The following PPP1R9A variants were observed in gnomAD, a reference collection of about 807,000 sequenced individuals.
PPP1R9A encodes protein phosphatase 1 regulatory subunit 9A, also known as neurabin-1.
PPP1R9A carries 59 observed loss-of-function variants against 141.9 expected under a neutral mutation model. That is an observed-to-expected ratio of 0.42 (90% confidence interval 0.34 to 0.52). The LOEUF (loss-of-function observed/expected upper bound fraction) is 0.52. Among genes scored for constraint, PPP1R9A ranks in the 20% least tolerant of loss-of-function variants. The pLI is 0.10. For synonymous variants in PPP1R9A, 500 were observed against 569.7 expected, an observed-to-expected ratio of 0.88 and a Z score of 1.74; for missense variants, 1,444 against 1,611.9, an observed-to-expected ratio of 0.90 and a Z score of 1.78.
Position 95,286,226 on chromosome 7 carries a change from C to T in PPP1R9A, c.3630C>T (p.Asp1210=), listed in dbSNP as rs756248257. Residue 1210 remains aspartate, a synonymous_variant, in exon 18 of 20, where the codon GAC becomes GAT. Coordinates refer to ENST00000433360, the MANE Select transcript of PPP1R9A (RefSeq NM_001166160.2). ...TACAGAATTTTACCTTCAATGATGACTTCAGTCCCAGCAGTACCAGTTCAG... is the reference window on the plus strand; with the variant it reads ...TACAGAATTTTACCTTCAATGATGATTTCAGTCCCAGCAGTACCAGTTCAG... ...QETNNFTFND[D]FSPSSTSSAD... is the part of the protein sequence containing the mutation. The T allele has an allele frequency of 1.2e-6, 2 of 1,613,434 alleles. No individual in the cohort carries two copies. Among genetic ancestry groups the T allele is most frequent in the Non-Finnish European group, 1.7e-6 (2 of 1,179,522 alleles).
chr7:95,023,438 T>C (rs1806300770), intron 2 of PPP1R9A, among the ~76,000 whole-genome samples: 1 of 152,162 alleles, frequency 6.6e-6, no homozygotes, highest in Admixed American at 6.5e-5. Flanking sequence ...CCTGGATTCA[T>C]TGATTTTTTT....
intron 2 of PPP1R9A, among the ~76,000 whole-genome samples, chr7:95,008,851 C>T (rs770701773): frequency 3.3e-5 from 5 of 152,046 alleles, no homozygotes; most frequent in Non-Finnish European, 5.9e-5. Flanking sequence ...CACATGCACA[C>T]GTATGTTTAT....
chr7:95,102,133 A>G lies in PPP1R9A; in HGVS notation c.1396-9126A>G, dbSNP rs548964879. On this transcript the variant is annotated intron_variant, in intron 2 of 19. Coordinates refer to ENST00000433360, the MANE Select transcript of PPP1R9A (RefSeq NM_001166160.2). ...TTATAATGCCTATTAGATGATTTAG[A>G]TATGAGAATGAAACTAGCAGAGTGG... Among the ~76,000 whole-genome samples the G allele has an allele frequency of 1.6e-4, 24 of 152,326 alleles. 1 individual carries two copies. The South Asian group carries it at 4.8e-3, about 30-fold the overall frequency.
chr7:95,119,645 G>A (rs564103967), intron 3 of PPP1R9A, among the ~76,000 whole-genome samples: 64 of 152,058 alleles, frequency 4.2e-4, no homozygotes, highest in African/African-American at 1.4e-3. Context: ...GTAGAGACAG[G>A]GTTTCACCCT....
Position 95,071,530 on chromosome 7 carries a change from G to T in PPP1R9A, c.1396-39729G>T, listed in dbSNP as rs116705536. Among the ~76,000 whole-genome samples the T allele has an allele frequency of 5.7e-3, 869 of 151,926 alleles. 10 individuals are homozygous for T. Among genetic ancestry groups the T allele is most frequent in the African/African-American group, 0.02 (827 of 41,492 alleles). On this transcript the variant is annotated intron_variant, in intron 2 of 19. Transcript: ENST00000433360. ...GTACTGTGGATGCGTGGGAAAAGAG[G>T]AATGTGAAAAGCTTAGCTCAACTTA... is the stretch of plus-strand genomic sequence containing the variant.
intron 5 of PPP1R9A, among the ~76,000 whole-genome samples, chr7:95,165,867 G>A (rs1295961435): frequency 1.3e-5 from 2 of 152,156 alleles, no homozygotes; most frequent in African/African-American, 4.8e-5. Context: ...TGAAAATTGG[G>A]TCAGGCGCAG....
intron 2 of PPP1R9A, among the ~76,000 whole-genome samples, chr7:95,004,039 T>A (rs570566449): frequency 1.1e-3 from 169 of 152,184 alleles, no homozygotes; most frequent in African/African-American, 3.9e-3. Flanking sequence ...TGTTACAGTG[T>A]GGTGGCATTT....
At chr7:94,982,243 GT>G (rs1340101752) in intron 2 of PPP1R9A, among the ~76,000 whole-genome samples, 1 of 152,102 alleles carries the variant, frequency 6.6e-6, no homozygotes, top group Non-Finnish European at 1.5e-5. Flanking sequence ...ATTTGGGTTG[GT>G]TCCAAGTCTT....
intron 2 of PPP1R9A, among the ~76,000 whole-genome samples, chr7:94,980,605 G>T (rs1584489014): frequency 7.2e-6 from 1 of 139,268 alleles, no homozygotes; most frequent in Non-Finnish European, 1.5e-5. Flanking sequence ...CCAGTTTAGT[G>T]TTTTTTTTTT....
At chr7:95,070,592 G>GATATATATATATATATATAT (rs1563193267) in intron 2 of PPP1R9A, among the ~76,000 whole-genome samples, 1 of 64,422 alleles carries the variant, frequency 1.6e-5, no homozygotes, top group African/African-American at 7.6e-5. Flanking sequence ...TTAAATCTCT[G>GATATATATATATATATATAT]GTATATATAT....
chr7:95,228,295 G>A (rs1237049013), intron 8 of PPP1R9A, among the ~76,000 whole-genome samples: 1 of 152,102 alleles, frequency 6.6e-6, no homozygotes, highest in East Asian at 1.9e-4. Context: ...CATGTCCTCA[G>A]TCTTTGTACA....
chr7:95,187,037 G>A (rs1041161104), intron 5 of PPP1R9A, among the ~76,000 whole-genome samples: 4 of 151,988 alleles, frequency 2.6e-5, no homozygotes, highest in Non-Finnish European at 5.9e-5. Context: ...GATGATTTAG[G>A]GAGGATTCCC....
chr7:95,073,861 C>T, intron 2 of PPP1R9A, among the ~76,000 whole-genome samples: 1 of 151,950 alleles, frequency 6.6e-6, no homozygotes, highest in Non-Finnish European at 1.5e-5. Context: ...AGATTATAGT[C>T]ATAAGCCATG....
At chr7:95,027,777 G>A (rs1584345789) in intron 2 of PPP1R9A, among the ~76,000 whole-genome samples, 1 of 152,102 alleles carries the variant, frequency 6.6e-6, no homozygotes, top group Non-Finnish European at 1.5e-5. Context: ...TATCACGATG[G>A]TAAGTATTTG....
intron 2 of PPP1R9A, among the ~76,000 whole-genome samples, chr7:94,922,928 C>G (rs1171467784): frequency 1.3e-5 from 2 of 152,084 alleles, no homozygotes; most frequent in African/African-American, 4.8e-5. Context: ...AAAATGCTGC[C>G]CCAAATTCTA....
intron 4 of PPP1R9A, among the ~76,000 whole-genome samples, chr7:95,144,374 A>G (rs955869483): frequency 6.6e-6 from 1 of 151,888 alleles, no homozygotes; most frequent in Non-Finnish European, 1.5e-5. Flanking sequence ...GTAAAATCAC[A>G]TTTTCTTTAT....
chr7:95,289,661 A>G (rs1176836139), intron 19 of PPP1R9A, among the ~76,000 whole-genome samples: 3 of 152,196 alleles, frequency 2.0e-5, no homozygotes, highest in Non-Finnish European at 2.9e-5. Context: ...TAATGAAAAC[A>G]TTGGCAGAAA....
intron 6 of PPP1R9A, chr7:95,202,522 T>TG (rs1243708651): frequency 2.1e-6 from 1 of 475,588 alleles, no homozygotes; most frequent in South Asian, 9.9e-5. Context: ...ATTGATCACT[T>TG]GTTTTTTTTT....
intron 7 of PPP1R9A, among the ~76,000 whole-genome samples, chr7:95,220,596 A>G (rs1364161295): frequency 6.6e-6 from 1 of 152,096 alleles, no homozygotes; most frequent in Non-Finnish European, 1.5e-5. Context: ...TGTGGCTACA[A>G]CTATCTGAAT....
Sources: allele counts gnomAD v4.1 joint callset (sites outside exome capture counted in the v4.1 genomes callset), GRCh38; gene constraint gnomAD v4.1.1; transcripts MANE v1.5; gene names NCBI Gene and HGNC (gene_info 2026-07-23, HGNC 2026-07-21).